The following RARB variants were observed in gnomAD, a reference collection of about 807,000 sequenced individuals.
RARB encodes retinoic acid receptor beta.
In RARB, 17 loss-of-function variants were observed where a neutral mutation model predicts 51.9. The ratio of observed to expected loss-of-function variants is 0.33; its 90% CI spans 0.22 to 0.49. The LOEUF is 0.49. Among genes scored for constraint, RARB ranks in the 20% least tolerant of loss-of-function variants. The probability of loss-of-function intolerance (pLI) is 0.99; values close to 1 mark genes in which losing one functional copy is unlikely to be tolerated. For missense variants in RARB, 369 were observed against 550.8 expected (o/e 0.67, Z 3.30); for synonymous variants, 215 against 195.4 (o/e 1.10, Z -0.84).
chr3:25,579,370 C>G (rs2364121), intron 4 of RARB, among the ~76,000 whole-genome samples: 40,107 of 152,006 alleles, frequency 0.26, 5,660 homozygotes, highest in African/African-American at 0.37. Flanking sequence ...GTGGTCAGTC[C>G]CCACCTGCCT....
At chr3:24,841,523 G>A (rs923719691) in intron 1 of RARB, among the ~76,000 whole-genome samples, 8 of 152,106 alleles carry the variant, frequency 5.3e-5, no homozygotes, top group Non-Finnish European at 5.9e-5. Context: ...CTGTTTCAAC[G>A]GGGAAAAATG....
chr3:25,541,903 C>T (rs1206351598), intron 3 of RARB, among the ~76,000 whole-genome samples: 2 of 152,124 alleles, frequency 1.3e-5, no homozygotes, highest in South Asian at 2.1e-4. Context: ...CTATTCGTTT[C>T]GTGGGAGGTA....
intron 5 of RARB, among the ~76,000 whole-genome samples, chr3:25,202,442 C>G (rs1389600378): frequency 6.6e-6 from 1 of 152,038 alleles, no homozygotes; most frequent in Non-Finnish European, 1.5e-5. Flanking sequence ...TCCTTCAGTT[C>G]TGCTCTGATC....
intron 5 of RARB, among the ~76,000 whole-genome samples, chr3:25,239,636 C>T (rs1456092775): frequency 1.3e-5 from 2 of 152,044 alleles, no homozygotes; most frequent in Admixed American, 1.3e-4. Flanking sequence ...TTTCTGGGTC[C>T]TCTATTCTGT....
intron 2 of RARB, among the ~76,000 whole-genome samples, chr3:25,476,937 C>T (rs1396112514): frequency 1.3e-5 from 2 of 152,176 alleles, no homozygotes; most frequent in African/African-American, 2.4e-5. Flanking sequence ...TCTGTATTCT[C>T]AGCACCCACA....
chr3:24,894,845 A>C (rs1225714450), intron 2 of RARB, among the ~76,000 whole-genome samples: 1 of 152,220 alleles, frequency 6.6e-6, no homozygotes, highest in Non-Finnish European at 1.5e-5. Flanking sequence ...CCATTATCCA[A>C]TGTGAGCAAA....
At chr3:25,126,172 G>A (rs1448117016) in intron 3 of RARB, among the ~76,000 whole-genome samples, 1 of 152,086 alleles carries the variant, frequency 6.6e-6, no homozygotes, top group African/African-American at 2.4e-5. Context: ...AAAACATTTA[G>A]GGGTCTGTGC....
chr3:25,568,155 C>A (rs1700573243), intron 3 of RARB, among the ~76,000 whole-genome samples: 1 of 152,148 alleles, frequency 6.6e-6, no homozygotes, highest in African/African-American at 2.4e-5. Flanking sequence ...ATTTTCTGAG[C>A]CAATGAGCAG....
intron 2 of RARB, among the ~76,000 whole-genome samples, chr3:25,471,111 T>C (rs955833783): frequency 9.2e-5 from 14 of 152,236 alleles, no homozygotes; most frequent in African/African-American, 3.4e-4. Context: ...TCTAATTACA[T>C]AGGGCTTGGG....
chr3:25,414,682 G>A (rs1707654316), intron 5 of RARB, among the ~76,000 whole-genome samples: 1 of 152,096 alleles, frequency 6.6e-6, no homozygotes, highest in Non-Finnish European at 1.5e-5. Flanking sequence ...ATGATGTTCA[G>A]CATTGTTTCA....
Position 25,230,117 on chromosome 3 carries a change from C to T in RARB, c.178+55542C>T, listed in dbSNP as rs375593038. Reference sequence around the variant, plus strand: ...GAAGTTCTGGTATTAATGAGATTCCCTCTTCTGTCTTCTCTGTTTCTTCCA... The same window carrying T: ...GAAGTTCTGGTATTAATGAGATTCCTTCTTCTGTCTTCTCTGTTTCTTCCA... On this transcript the variant is annotated intron_variant, in intron 5 of 11. Transcript: ENST00000383772. Among the ~76,000 whole-genome samples, 98 of 152,172 alleles carry T rather than the reference C, an allele frequency of 6.4e-4. 1 individual carries two copies. The South Asian group carries it at 0.02, about 31-fold the overall frequency.
chr3:25,310,875 T>C lies in RARB; in HGVS notation c.178+136300T>C, dbSNP rs370699494. Reference sequence around the variant, plus strand: ...CTTAGGTTCTCGAAGCCATGAGATATAGCCAGAATTTGCATGTAAATAAAT... The same window carrying C: ...CTTAGGTTCTCGAAGCCATGAGATACAGCCAGAATTTGCATGTAAATAAAT... On this transcript the variant is annotated intron_variant, in intron 5 of 11. Coordinates refer to the RARB transcript ENST00000383772. Among the ~76,000 whole-genome samples, 42 of 152,324 alleles carry C rather than the reference T, an allele frequency of 2.8e-4. No homozygotes were observed. In the South Asian group the frequency reaches 7.9e-3, roughly 29 times the overall value.
chr3:25,000,633 T>C (rs1205159824), intron 2 of RARB, among the ~76,000 whole-genome samples: 1 of 152,144 alleles, frequency 6.6e-6, no homozygotes, highest in East Asian at 1.9e-4. Context: ...AGTATATGCA[T>C]GTGTATATTG....
chr3:25,223,478 A>ATTCCAATATAT lies in RARB; in HGVS notation c.178+48906_178+48916dup, dbSNP rs578159190. ...CTTGAATAGAGAACAAATGCCTTCTATTCCAATATATTTTTTTAATACTTT... is the reference window on the plus strand; with the variant it reads ...CTTGAATAGAGAACAAATGCCTTCTATTCCAATATATTTCCAATATATTTTTTTAATACTTT... On this transcript the variant is annotated intron_variant, in intron 5 of 11. Transcript: ENST00000383772. 3.4e-3 allele frequency among the ~76,000 whole-genome samples: 524 copies of ATTCCAATATAT among 152,314 alleles called. 9 individuals carry two copies. The East Asian group carries it at 0.071, about 21-fold the overall frequency.
chr3:25,434,008 G>T (rs1457345542), intron 1 of RARB, among the ~76,000 whole-genome samples: 1 of 152,190 alleles, frequency 6.6e-6, no homozygotes, highest in Non-Finnish European at 1.5e-5. Context: ...TGGCCCTGTA[G>T]GGTGGGGGAG....
At chr3:25,052,600 T>C (rs1698354438) in intron 2 of RARB, among the ~76,000 whole-genome samples, 1 of 152,150 alleles carries the variant, frequency 6.6e-6, no homozygotes, top group South Asian at 2.1e-4. Flanking sequence ...TTAGACGGAC[T>C]AAATGGAGAA....
intron 3 of RARB, among the ~76,000 whole-genome samples, chr3:25,089,934 A>G (rs1228424092): frequency 6.6e-6 from 1 of 152,164 alleles, no homozygotes; most frequent in Non-Finnish European, 1.5e-5. Context: ...ATGGCACAAA[A>G]ATCAATGGGC....
At chr3:25,341,338 G>A (rs1705221000) in intron 5 of RARB, among the ~76,000 whole-genome samples, 1 of 152,278 alleles carries the variant, frequency 6.6e-6, no homozygotes, top group Non-Finnish European at 1.5e-5. Context: ...CTGTGAAAAA[G>A]TGAAATAGCA....
intron 2 of RARB, among the ~76,000 whole-genome samples, chr3:25,023,522 G>A (rs1697681689): frequency 6.6e-6 from 1 of 152,108 alleles, no homozygotes; most frequent in African/African-American, 2.4e-5. Context: ...TCAACATAAG[G>A]GAAACACAGG....
Sources: allele counts gnomAD v4.1 joint callset (sites outside exome capture counted in the v4.1 genomes callset), GRCh38; gene constraint gnomAD v4.1.1; transcripts MANE v1.5; gene names NCBI Gene and HGNC (gene_info 2026-07-23, HGNC 2026-07-21).